The following CNOT6L variants were observed in gnomAD, a reference collection of about 807,000 sequenced individuals.
CNOT6L encodes the protein CCR4-NOT transcription complex subunit 6 like, also known as CCR4-NOT transcription complex subunit 6-like.
In CNOT6L, 7 loss-of-function variants were observed where a neutral mutation model predicts 64.0. That is an observed-to-expected ratio of 0.11 (90% CI 0.06 to 0.21). The LOEUF is 0.21. CNOT6L is among the 10% of genes least tolerant of loss of function. The probability of loss-of-function intolerance (pLI) is 1.00; values close to 1 mark genes in which losing one functional copy is unlikely to be tolerated. For missense variants in CNOT6L, 245 were observed against 669.0 expected (o/e 0.37, Z 6.99); for synonymous variants, 193 against 243.4 (o/e 0.79, Z 1.93).
chr4:77,796,462 C>T (rs1413780633), intron 1 of CNOT6L, among the ~76,000 whole-genome samples: 1 of 152,008 alleles, frequency 6.6e-6, no homozygotes, highest in African/African-American at 2.4e-5. Context: ...GTGGCACTTC[C>T]CCCTACACTC....
rs1724435015 is a variant in CNOT6L, at chr4:77,748,301, A to T, written c.559+15T>A. On this transcript the variant is annotated intron_variant, in intron 6 of 11. Coordinates refer to ENST00000504123, the MANE Select transcript of CNOT6L (RefSeq NM_144571.3). ...AATTTCTGAAAAAAAAGGAAGAATA[A>T]GAAAAACTATTTACCTGACGGCAGA... is the stretch of plus-strand genomic sequence containing the variant. 1 of 1,552,952 alleles carries T rather than the reference A, an allele frequency of 6.4e-7. No homozygotes were observed. The highest frequency in any genetic ancestry group is 8.9e-7 in the Non-Finnish European group (1 of 1,125,554).
At chr4:77,779,878 G>A (rs1407029877) in intron 1 of CNOT6L, among the ~76,000 whole-genome samples, 1 of 152,108 alleles carries the variant, frequency 6.6e-6, no homozygotes, top group African/African-American at 2.4e-5. Flanking sequence ...GCAGGAGAAT[G>A]GCATGAACCC....
chr4:77,819,075 C>CACACACACACACACACACACACACACACA (rs71214371), intron 1 of CNOT6L: 206 of 731,922 alleles, frequency 2.8e-4, no homozygotes, highest in East Asian at 9.3e-4. Flanking sequence ...CACACACACA[C>CACACACACACACACACACACACACACACA]CCCGGAACCT....
intron 2 of CNOT6L, 70 bp from the exon 3 acceptor site, chr4:77,774,786 G>T: frequency 1.0e-6 from 1 of 987,894 alleles, no homozygotes; most frequent in Non-Finnish European, 1.4e-6. Context: ...TACAACGACT[G>T]AAAAGTGGTA....
intron 1 of CNOT6L, among the ~76,000 whole-genome samples, chr4:77,799,206 T>C (rs919704465): frequency 4.6e-5 from 7 of 151,922 alleles, no homozygotes; most frequent in African/African-American, 1.7e-4. Flanking sequence ...GGTGAGAGGA[T>C]TGTTTCAGGC....
chr4:77,756,944 A>C lies in CNOT6L; in HGVS notation c.408T>G (p.Pro136=). 1 of 1,599,156 alleles carries C rather than the reference A, an allele frequency of 6.3e-7. No individual in the cohort carries two copies. The highest frequency in any genetic ancestry group is 8.5e-7 in the Non-Finnish European group (1 of 1,169,948). Residue 136 remains proline (P), a synonymous_variant, in exon 5 of 12, where the codon CCT becomes CCG. Coordinates refer to ENST00000504123, the MANE Select transcript of CNOT6L (RefSeq NM_144571.3). ...ATAAGTTGAGAATATCCTGTGATAA[A>C]GGATTGCCTAAAGCAGAAGACAAAA... ...QLQTLGLKGN[P]LSQDILNLYQ...
At chr4:77,744,353 T>TAA (rs148119461) in intron 7 of CNOT6L, among the ~76,000 whole-genome samples, 2 of 149,914 alleles carry the variant, frequency 1.3e-5, no homozygotes, top group African/African-American at 4.9e-5. Context: ...CTTTTTTTTT[T>TAA]AAAAAAAAAC....
Position 77,819,301 on chromosome 4 carries a change from T to C in CNOT6L, c.5+3A>G. 6.2e-7 allele frequency: 1 copy of C among 1,613,082 alleles called. No individual in the cohort carries two copies. The highest frequency in any genetic ancestry group is 8.5e-7 in the Non-Finnish European group (1 of 1,179,512). On this transcript the variant is annotated splice_donor_region_variant and intron_variant, in intron 1 of 11. Transcript: ENST00000504123. Reference sequence around the variant, plus strand: ...CCTACTCGGAGGCAAAAGAACACTCTACCTCATTCTCTTCCTCTGGCCCAG... The same window carrying C: ...CCTACTCGGAGGCAAAAGAACACTCCACCTCATTCTCTTCCTCTGGCCCAG...
chr4:77,742,624 T>C (rs1723714527), intron 7 of CNOT6L, among the ~76,000 whole-genome samples: 1 of 152,148 alleles, frequency 6.6e-6, no homozygotes, highest in African/African-American at 2.4e-5. Flanking sequence ...ACAAAGCAAG[T>C]TGGGTATATG....
At chr4:77,795,755 A>T (rs1730763034) in intron 1 of CNOT6L, among the ~76,000 whole-genome samples, 1 of 152,174 alleles carries the variant, frequency 6.6e-6, no homozygotes, top group African/African-American at 2.4e-5. Context: ...AGTCTCAGGT[A>T]TGTTTTTACA....
chr4:77,757,046 T>A, intron 4 of CNOT6L, 95 bp from the exon 5 acceptor site: 1 of 558,310 alleles, frequency 1.8e-6, no homozygotes, highest in East Asian at 3.0e-5. Flanking sequence ...TTTCTTAAAT[T>A]CAATTTCTTA....
Position 77,743,586 on chromosome 4 carries a change from C to CTTTTTTTTT in CNOT6L, c.717+1123_717+1131dup, listed in dbSNP as rs142888128. ...GAATGTGTGAAATTGTAACACACAACTTTTTTTTTTTTTTTTTTTTTTTTT... is the reference window on the plus strand; with the variant it reads ...GAATGTGTGAAATTGTAACACACAACTTTTTTTTTTTTTTTTTTTTTTTTTTTTTTTTTT... On this transcript the variant is annotated intron_variant, in intron 7 of 11. Transcript: ENST00000504123. 1.1e-4 allele frequency among the ~76,000 whole-genome samples: 8 copies of CTTTTTTTTT among 70,888 alleles called. 1 individual carries two copies. The highest frequency in any genetic ancestry group is 4.1e-4 in the African/African-American group (6 of 14,640). The allele number at this position is 70,888 out of a possible 152,430, so 46.5% of individuals were successfully genotyped here. A position where few individuals can be genotyped will look rare whatever the true frequency, so the allele number is the denominator to read the frequency against.
chr4:77,773,025 C>T (rs993569538), intron 4 of CNOT6L, 56 bp downstream of exon 4: 1 of 1,132,050 alleles, frequency 8.8e-7, no homozygotes, highest in Admixed American at 2.5e-5. Flanking sequence ...TTTTTAAAGG[C>T]CAAAATGCTC....
At chr4:77,729,104 G>T (rs773161697) in intron 9 of CNOT6L, 23 bp from the exon 10 acceptor site, 12 of 1,569,964 alleles carry the variant, frequency 7.6e-6, no homozygotes, top group Non-Finnish European at 1.1e-5. Context: ...ATTACAAAAA[G>T]AAGACAAAGT....
chr4:77,808,428 C>G (rs1016527199), intron 1 of CNOT6L, among the ~76,000 whole-genome samples: 1 of 146,924 alleles, frequency 6.8e-6, no homozygotes, highest in Admixed American at 6.9e-5. Context: ...TGCCACTGCA[C>G]TCCAGCCTGG....
In CNOT6L at chr4:77,715,446, A is replaced by C. The variant is rs997994865; in HGVS notation, c.*4985T>G. On this transcript the variant is annotated 3_prime_UTR_variant, in exon 12 of 12. Transcript: ENST00000504123. ...TACTTAAAAAATATTCTATTACTTC[A>C]ATGTCATGTCTGTTGAACGAAGAAC... is the stretch of plus-strand genomic sequence containing the variant. The C allele has an allele frequency of 2.0e-5, 3 of 152,116 alleles. No homozygotes were observed. Among genetic ancestry groups the C allele is most frequent in the Non-Finnish European group, 2.9e-5 (2 of 68,006 alleles). The allele number at this position is 152,116 out of a possible 1,614,324, so 9.4% of individuals were successfully genotyped here. A position where few individuals can be genotyped will look rare whatever the true frequency, so the allele number is the denominator to read the frequency against.
chr4:77,812,826 T>G (rs1053145256), intron 1 of CNOT6L, among the ~76,000 whole-genome samples: 6 of 152,114 alleles, frequency 3.9e-5, no homozygotes, highest in Non-Finnish European at 7.4e-5. Context: ...AAGCTGATCC[T>G]AAAATTGATA....
intron 4 of CNOT6L, among the ~76,000 whole-genome samples, chr4:77,763,484 A>T (rs576499737): frequency 6.6e-6 from 1 of 152,258 alleles, no homozygotes; most frequent in African/African-American, 2.4e-5. Context: ...AGTGGGAACT[A>T]CCTAATAAAA....
chr4:77,738,592 A>G (rs892257595), intron 8 of CNOT6L, among the ~76,000 whole-genome samples: 3 of 152,018 alleles, frequency 2.0e-5, no homozygotes, highest in Non-Finnish European at 4.4e-5. Context: ...TGTCTCTACT[A>G]AAAACACAAA....
Sources: gnomAD v4.1 joint callset for allele counts (sites outside exome capture counted in the v4.1 genomes callset) on GRCh38, gnomAD v4.1.1 for gene constraint, MANE v1.5 for transcripts, NCBI Gene and HGNC (gene_info 2026-07-23, HGNC 2026-07-21) for gene names.